UNC13C: variants seen among roughly 807,000 people sequenced by gnomAD.
UNC13C encodes unc-13 homolog C.
A neutral mutation model predicts 245.4 loss-of-function variants in UNC13C; 174 were observed. The observed-to-expected ratio is 0.71, with a 90% CI of 0.63 to 0.80. The LOEUF (loss-of-function observed/expected upper bound fraction) is 0.80. Ranked by LOEUF, UNC13C falls within the 30% of genes least tolerant of loss-of-function variation. The probability of loss-of-function intolerance (pLI) is 0.00; values close to 1 mark genes in which losing one functional copy is unlikely to be tolerated. For synonymous variants in UNC13C, 992 were observed against 895.1 expected, an observed-to-expected ratio of 1.11 and a Z score of -1.93; for missense variants, 2,829 against 2,602.9, an observed-to-expected ratio of 1.09 and a Z score of -1.89.
chr15:54,013,698 G>T lies in UNC13C; in HGVS notation c.795G>T (p.Gly265=). 6.2e-7 allele frequency: 1 copy of T among 1,613,572 alleles called. No individual in the cohort carries two copies. The highest frequency in any genetic ancestry group is 8.5e-7 in the Non-Finnish European group (1 of 1,179,746). ...AAACAGAACTTTCTGAACTACGAGG[G>T]CACGTCAATGCTCTCAAGCACTCCA... ...QIETELSELR[G]HVNALKHSID... The change falls in exon 2 of 33, where the codon GGG becomes GGT. Residue 265 remains glycine, a synonymous_variant. Transcript: ENST00000260323.
the UNC13C span, chr15:53,968,141 G>T: frequency 6.6e-6 from 1 of 152,084 alleles, no homozygotes; most frequent in Non-Finnish European, 1.5e-5. Context: ...GAGAAAAATT[G>T]TCCTTGTACC....
At chr15:54,308,707 G>A (rs2037788042) in intron 13 of UNC13C, among the ~76,000 whole-genome samples, 1 of 151,634 alleles carries the variant, frequency 6.6e-6, no homozygotes, top group Non-Finnish European at 1.5e-5. Flanking sequence ...CTCTAATTCA[G>A]TAAGTTCCTC....
At chr15:54,418,693 A>G (rs1379098425) in intron 19 of UNC13C, among the ~76,000 whole-genome samples, 1 of 152,102 alleles carries the variant, frequency 6.6e-6, no homozygotes, top group Non-Finnish European at 1.5e-5. Context: ...TCCTGCATAC[A>G]CTGATGAGCT....
intron 13 of UNC13C, among the ~76,000 whole-genome samples, chr15:54,313,017 T>G (rs1158709178): frequency 6.6e-6 from 1 of 151,780 alleles, no homozygotes; most frequent in Non-Finnish European, 1.5e-5. Context: ...TTCCATGGGA[T>G]GCTTAGAGGG....
intron 2 of UNC13C, among the ~76,000 whole-genome samples, chr15:54,131,934 A>G (rs1363976893): frequency 4.6e-5 from 7 of 152,022 alleles, no homozygotes; most frequent in African/African-American, 9.7e-5. Context: ...TCCTCTCCCG[A>G]ATGAGTCCTT....
At chr15:54,514,412 C>G (rs1894878381) in intron 24 of UNC13C, among the ~76,000 whole-genome samples, 1 of 152,192 alleles carries the variant, frequency 6.6e-6, no homozygotes, top group Admixed American at 6.5e-5. Context: ...GGGAAATATT[C>G]CAGGCTAGAC....
chr15:54,622,901 G>A (rs894451206), intron 31 of UNC13C, among the ~76,000 whole-genome samples: 3 of 151,934 alleles, frequency 2.0e-5, no homozygotes, highest in Non-Finnish European at 2.9e-5. Context: ...TTAACAATAC[G>A]CTCGTTCTAT....
At chr15:54,179,317 A>G (rs951009020) in intron 4 of UNC13C, among the ~76,000 whole-genome samples, 1 of 152,184 alleles carries the variant, frequency 6.6e-6, no homozygotes, top group Non-Finnish European at 1.5e-5. Flanking sequence ...CAGACTAACA[A>G]TCCAATAATG....
rs148737418 is a variant in UNC13C, at chr15:54,118,827, T to C, written c.2984-24191T>C. On this transcript the variant is annotated intron_variant, in intron 2 of 32. Transcript: ENST00000260323. ...AGGTATGTTTTTTCTATACTCTGTT[T>C]GTTGCGGTTTTTATCATGAAGGGAC... is the stretch of plus-strand genomic sequence containing the variant. 2.0e-4 allele frequency among the ~76,000 whole-genome samples: 30 copies of C among 152,204 alleles called. 1 individual carries two copies. Among genetic ancestry groups the C allele is most frequent in the African/African-American group, 7.2e-4 (30 of 41,558 alleles).
chr15:54,040,461 T>G (rs766594564), intron 2 of UNC13C, among the ~76,000 whole-genome samples: 18 of 152,140 alleles, frequency 1.2e-4, no homozygotes, highest in South Asian at 4.1e-4. Flanking sequence ...CTTGTTAAAA[T>G]TTTAACAAGG....
chr15:54,303,374 G>A (rs1312678794), intron 13 of UNC13C, among the ~76,000 whole-genome samples: 1 of 152,152 alleles, frequency 6.6e-6, no homozygotes, highest in Non-Finnish European at 1.5e-5. Flanking sequence ...AAAACAACCT[G>A]CTGCTGGATA....
intron 2 of UNC13C, among the ~76,000 whole-genome samples, chr15:54,020,431 C>T (rs902918064): frequency 1.9e-4 from 27 of 142,422 alleles, no homozygotes; most frequent in African/African-American, 5.9e-4. Flanking sequence ...TGCACCACCA[C>T]GCCCAGCTAA....
In UNC13C at chr15:54,605,753, A is replaced by C. The variant is rs567186592; in HGVS notation, c.6107-16574A>C. On this transcript the variant is annotated intron_variant, in intron 30 of 32. Transcript: ENST00000260323. ...CAGTCAACCAGGATGCAGCTAGAAG[A>C]CAGCAGGATCTGGTCAAACCTGTAT... 4.1e-4 allele frequency among the ~76,000 whole-genome samples: 62 copies of C among 152,344 alleles called. 2 individuals are homozygous for C. In the South Asian group the frequency reaches 0.013, roughly 32 times the overall value.
the UNC13C span, among the ~76,000 whole-genome samples, chr15:53,848,134 T>C: frequency 6.6e-6 from 1 of 151,970 alleles, no homozygotes; most frequent in South Asian, 2.1e-4. Context: ...TAGTGGTTTA[T>C]AATTTAATTA....
In UNC13C at chr15:54,294,056, A is replaced by G; in HGVS notation, c.3980A>G (p.Tyr1327Cys). ...RTLSGEMDVWYNLEKRTDKSA... is the reference protein window; with the variant it reads ...RTLSGEMDVWCNLEKRTDKSA... ...TTGAGTGGAGAAATGGATGTCTGGTACAACTTAGGTGATTTTTTTTTTTAT... is the reference window on the plus strand; with the variant it reads ...TTGAGTGGAGAAATGGATGTCTGGTGCAACTTAGGTGATTTTTTTTTTTAT... The change falls in exon 11 of 33, where the codon TAC becomes TGC. Residue 1327 changes from tyrosine to cysteine, a missense_variant. Transcript: ENST00000260323. 1.3e-6 allele frequency: 2 copies of G among 1,539,868 alleles called. No individual in the cohort carries two copies. The highest frequency in any genetic ancestry group is 2.4e-5 in the East Asian group (1 of 41,710).
Position 54,496,595 on chromosome 15 carries a change from GTATATATATATATATGTACAC to G in UNC13C, c.5060+1862_5060+1882del, listed in dbSNP as rs926736712. On this transcript the variant is annotated intron_variant, in intron 20 of 32. Coordinates refer to ENST00000260323, the MANE Select transcript of UNC13C (RefSeq NM_001080534.3). Reference sequence around the variant, plus strand: ...GATAAAGAAATTGTGGTGTGTGTGTGTATATATATATATATGTACACCATGGAATACTACTCAGCCATAAAA... The same window carrying G: ...GATAAAGAAATTGTGGTGTGTGTGTGCATGGAATACTACTCAGCCATAAAA... 1.6e-4 allele frequency among the ~76,000 whole-genome samples: 24 copies of G among 151,244 alleles called. 1 individual carries two copies. Among genetic ancestry groups the G allele is most frequent in the Admixed American group, 9.9e-4 (15 of 15,116 alleles).
intron 4 of UNC13C, among the ~76,000 whole-genome samples, chr15:54,186,625 C>T (rs2033992995): frequency 6.6e-6 from 1 of 151,740 alleles, no homozygotes; most frequent in Non-Finnish European, 1.5e-5. Flanking sequence ...AAAAAATCCA[C>T]CCACACTGTG....
chr15:54,332,967 T>C (rs530691081), intron 15 of UNC13C, among the ~76,000 whole-genome samples: 1 of 152,074 alleles, frequency 6.6e-6, no homozygotes, highest in South Asian at 2.1e-4. Flanking sequence ...ACCAACATAA[T>C]GAGAAGAGAA....
intron 19 of UNC13C, among the ~76,000 whole-genome samples, chr15:54,457,551 C>G (rs1306137776): frequency 6.6e-6 from 1 of 151,874 alleles, no homozygotes; most frequent in South Asian, 2.1e-4. Context: ...TTTAGTCTTG[C>G]TACTTGTTCT....
Sources: gnomAD v4.1 joint callset for allele counts (sites outside exome capture counted in the v4.1 genomes callset) on GRCh38, gnomAD v4.1.1 for gene constraint, MANE v1.5 for transcripts, NCBI Gene and HGNC (gene_info 2026-07-23, HGNC 2026-07-21) for gene names.